Variants in LRP1B observed in about 807,000 individuals in gnomAD.
LRP1B encodes LDL receptor related protein 1B.
Under a neutral mutation model 556.6 loss-of-function variants are expected in LRP1B, and 217 were observed. The ratio of observed to expected loss-of-function variants is 0.39; its 90% CI spans 0.35 to 0.44. The LOEUF (loss-of-function observed/expected upper bound fraction) is 0.44. LRP1B is among the 20% of genes least tolerant of loss of function. The probability of loss-of-function intolerance (pLI) is 1.00; values close to 1 mark genes in which losing one functional copy is unlikely to be tolerated. For synonymous variants in LRP1B, 2,047 were observed against 1,865.8 expected (o/e 1.10, Z -2.50); for missense variants, 5,053 against 5,620.8 (o/e 0.90, Z 3.23).
chr2:140,811,643 C>T (rs1045322108), intron 32 of LRP1B, among the ~76,000 whole-genome samples: 71 of 152,192 alleles, frequency 4.7e-4, no homozygotes, highest in African/African-American at 1.7e-3. Flanking sequence ...TTACAGCTTA[C>T]TCAACTACTT....
In LRP1B at chr2:141,187,269, G is replaced by A. The variant is rs180716130; in HGVS notation, c.1013+1152C>T. 1.7e-3 allele frequency among the ~76,000 whole-genome samples: 258 copies of A among 152,134 alleles called. 2 individuals carry two copies. The highest frequency in any genetic ancestry group is 0.011 in the South Asian group (55 of 4,826). ...ACAGCCTTCCCAGCAAAGTTCTTAC[G>A]TGCAAGCTGTTCTTGTCAAAATCAG... On this transcript the variant is annotated intron_variant, in intron 7 of 90. Coordinates refer to ENST00000389484, the MANE Select transcript of LRP1B (RefSeq NM_018557.3).
In LRP1B at chr2:140,254,795, TC is replaced by T. The variant is rs141651490; in HGVS notation, c.13248-7634del. On this transcript the variant is annotated intron_variant, in intron 86 of 90. Coordinates refer to ENST00000389484, the MANE Select transcript of LRP1B (RefSeq NM_018557.3). ...TCTCAAACTCCTGACCTCGTGATCC[TC>T]CCGCCTTGGCCTCTGAAAGTGCTGG... Among the ~76,000 whole-genome samples, 1,120 of 152,046 alleles carry T rather than the reference TC, an allele frequency of 7.4e-3. 8 individuals carry two copies. Among genetic ancestry groups the T allele is most frequent in the African/African-American group, 0.017 (693 of 41,480 alleles).
chr2:140,839,924 A>G, intron 31 of LRP1B, 67 bp downstream of exon 31: 1 of 919,986 alleles, frequency 1.1e-6, no homozygotes, highest in Admixed American at 2.4e-5. Context: ...ATCTAGATCA[A>G]AGGTATATTG....
At chr2:141,126,467 C>T (rs1330340915) in intron 7 of LRP1B, among the ~76,000 whole-genome samples, 1 of 152,182 alleles carries the variant, frequency 6.6e-6, no homozygotes, top group East Asian at 1.9e-4. Flanking sequence ...CCCTGCTCTT[C>T]TATTTCAGGT....
chr2:140,624,459 T>C (rs1683579944), intron 41 of LRP1B, among the ~76,000 whole-genome samples: 1 of 152,172 alleles, frequency 6.6e-6, no homozygotes, highest in African/African-American at 2.4e-5. Context: ...TCAACAATGA[T>C]TCATCTAGCA....
At chr2:140,953,337 C>T (rs888136577) in intron 18 of LRP1B, among the ~76,000 whole-genome samples, 5 of 152,144 alleles carry the variant, frequency 3.3e-5, no homozygotes, top group African/African-American at 7.2e-5. Flanking sequence ...GATCCACATG[C>T]CTCAGTCTCT....
chr2:141,526,913 T>C (rs957508046), intron 2 of LRP1B, among the ~76,000 whole-genome samples: 2 of 152,088 alleles, frequency 1.3e-5, no homozygotes, highest in Non-Finnish European at 2.9e-5. Context: ...ACATTTTTGG[T>C]TTTTGAAAGG....
intron 2 of LRP1B, among the ~76,000 whole-genome samples, chr2:141,760,496 G>A (rs1295514746): frequency 1.3e-5 from 2 of 152,078 alleles, no homozygotes; most frequent in Non-Finnish European, 2.9e-5. Context: ...TTATTTTATG[G>A]TATGTAAAAC....
intron 1 of LRP1B, among the ~76,000 whole-genome samples, chr2:141,926,755 C>T (rs866256105): frequency 6.6e-6 from 1 of 152,026 alleles, no homozygotes; most frequent in East Asian, 1.9e-4. Flanking sequence ...AGATAATATT[C>T]CTTAATTTCA....
At chr2:141,075,820 T>A (rs1366033886) in intron 7 of LRP1B, among the ~76,000 whole-genome samples, 1 of 152,184 alleles carries the variant, frequency 6.6e-6, no homozygotes. Flanking sequence ...CATTTCTATT[T>A]CAAATTCCTA....
intron 7 of LRP1B, among the ~76,000 whole-genome samples, chr2:141,112,426 G>A (rs958843058): frequency 2.0e-5 from 3 of 152,130 alleles, no homozygotes; most frequent in Non-Finnish European, 4.4e-5. Context: ...TGGCCCCCAA[G>A]TGTAGTGCTG....
At chr2:141,695,898 AT>A (rs1275098301) in intron 2 of LRP1B, among the ~76,000 whole-genome samples, 2 of 151,942 alleles carry the variant, frequency 1.3e-5, no homozygotes, top group African/African-American at 4.8e-5. Context: ...AATATCTTCC[AT>A]TTTATGGATG....
chr2:140,783,993 C>T (rs192380356), intron 32 of LRP1B, among the ~76,000 whole-genome samples: 80 of 152,268 alleles, frequency 5.3e-4, no homozygotes, highest in South Asian at 1.2e-3. Context: ...TGGGGCCCAA[C>T]AATTTGCATT....
chr2:140,865,203 T>C (rs1692911916), intron 27 of LRP1B, among the ~76,000 whole-genome samples: 2 of 152,076 alleles, frequency 1.3e-5, no homozygotes, highest in Non-Finnish European at 2.9e-5. Context: ...ATTTGGAACT[T>C]TGTGTGCATA....
intron 18 of LRP1B, among the ~76,000 whole-genome samples, chr2:140,961,379 T>C (rs1035782610): frequency 5.9e-5 from 9 of 152,140 alleles, no homozygotes; most frequent in East Asian, 1.9e-4. Flanking sequence ...GCAGTCGCAA[T>C]AGCTTCCAAA....
chr2:141,700,283 A>G (rs190954117), intron 2 of LRP1B, among the ~76,000 whole-genome samples: 2 of 151,926 alleles, frequency 1.3e-5, no homozygotes, highest in Admixed American at 1.3e-4. Flanking sequence ...CCGCTGGCAG[A>G]CTGTAAACTC....
At chr2:141,837,615 C>G (rs979891628) in intron 1 of LRP1B, among the ~76,000 whole-genome samples, 2 of 152,022 alleles carry the variant, frequency 1.3e-5, no homozygotes. Flanking sequence ...AATAAGCCTG[C>G]AAGACTGAAA....
chr2:140,580,839 G>A (rs1288988372), intron 43 of LRP1B, among the ~76,000 whole-genome samples: 1 of 152,266 alleles, frequency 6.6e-6, no homozygotes, highest in Middle Eastern at 3.4e-3. Flanking sequence ...CAGTCTATGG[G>A]GAGGGCTGCT....
chr2:142,071,850 G>T (rs1705324894), intron 1 of LRP1B, among the ~76,000 whole-genome samples: 1 of 151,874 alleles, frequency 6.6e-6, no homozygotes, highest in Non-Finnish European at 1.5e-5. Flanking sequence ...CCCACAGAAT[G>T]CCTCCATGAG....
Sources: gnomAD v4.1 joint callset for allele counts (sites outside exome capture counted in the v4.1 genomes callset) on GRCh38, gnomAD v4.1.1 for gene constraint, MANE v1.5 for transcripts, NCBI Gene and HGNC (gene_info 2026-07-23, HGNC 2026-07-21) for gene names.